KCNMA1: variants seen among roughly 807,000 people sequenced by gnomAD.
KCNMA1 encodes Calcium-activated potassium channel subunit alpha-1.
KCNMA1 carries 29 observed loss-of-function variants against 140.0 expected under a neutral mutation model. That is an observed-to-expected ratio of 0.21 (90% CI 0.15 to 0.28). The LOEUF (loss-of-function observed/expected upper bound fraction) is 0.28. Among genes scored for constraint, KCNMA1 ranks in the 10% least tolerant of loss-of-function variants. The pLI, the probability that KCNMA1 is intolerant of heterozygous loss-of-function variation, is 1.00. For synonymous variants in KCNMA1, 612 were observed against 611.9 expected (o/e 1.00, Z 0.00); for missense variants, 880 against 1,602.2 (o/e 0.55, Z 7.70).
intron 23 of KCNMA1, among the ~76,000 whole-genome samples, chr10:76,942,891 G>A (rs985737263): frequency 5.9e-5 from 9 of 152,092 alleles, no homozygotes; most frequent in African/African-American, 2.2e-4. Context: ...ATCTACCAAG[G>A]GTTGGTCACA....
At chr10:76,980,398 C>T (rs1445136865) in intron 19 of KCNMA1, 1 of 152,186 alleles carries the variant, frequency 6.6e-6, no homozygotes, top group Non-Finnish European at 1.5e-5. Context: ...CTACGATCTA[C>T]TGTGATCCCT....
intron 3 of KCNMA1, among the ~76,000 whole-genome samples, chr10:77,224,577 A>T (rs1325676841): frequency 6.6e-6 from 1 of 152,122 alleles, no homozygotes; most frequent in Non-Finnish European, 1.5e-5. Flanking sequence ...GGGAACACTC[A>T]GGACCCCACT....
At chr10:77,544,841 C>A (rs972836707) in intron 1 of KCNMA1, among the ~76,000 whole-genome samples, 2 of 152,142 alleles carry the variant, frequency 1.3e-5, no homozygotes, top group African/African-American at 4.8e-5. Context: ...ACCCCAAATC[C>A]ACTTTTCTAT....
chr10:77,525,568 A>G (rs1475544387), intron 1 of KCNMA1, among the ~76,000 whole-genome samples: 2 of 152,206 alleles, frequency 1.3e-5, no homozygotes, highest in Admixed American at 1.3e-4. Context: ...CACTGGCCCC[A>G]CACAGCTGGT....
chr10:77,436,789 A>G (rs1246195356), intron 1 of KCNMA1, among the ~76,000 whole-genome samples: 1 of 152,250 alleles, frequency 6.6e-6, no homozygotes, highest in Non-Finnish European at 1.5e-5. Context: ...ATTTATTGAC[A>G]TGAATATACA....
chr10:77,606,672 C>T (rs1349785368), intron 1 of KCNMA1, among the ~76,000 whole-genome samples: 1 of 152,092 alleles, frequency 6.6e-6, no homozygotes, highest in Non-Finnish European at 1.5e-5. Context: ...TGGCAGTGCC[C>T]GTCTTCCTAA....
intron 1 of KCNMA1, among the ~76,000 whole-genome samples, chr10:77,541,092 C>T (rs2060082625): frequency 6.6e-6 from 1 of 150,556 alleles, no homozygotes; most frequent in Non-Finnish European, 1.5e-5. Context: ...AAATATGGAA[C>T]AATTCCTTTA....
At chr10:76,931,836 A>C (rs1241606180) in intron 23 of KCNMA1, among the ~76,000 whole-genome samples, 1 of 152,118 alleles carries the variant, frequency 6.6e-6, no homozygotes, top group Non-Finnish European at 1.5e-5. Flanking sequence ...TGGTCTGCTC[A>C]CCTTCCAAAG....
At chr10:77,105,637 G>A (rs187465326) in intron 9 of KCNMA1, among the ~76,000 whole-genome samples, 3 of 152,226 alleles carry the variant, frequency 2.0e-5, no homozygotes, top group African/African-American at 7.2e-5. Context: ...TGTGTCCATG[G>A]GCAGAGCACA....
At chr10:77,357,110 T>C (rs2093559876) in intron 2 of KCNMA1, among the ~76,000 whole-genome samples, 1 of 152,296 alleles carries the variant, frequency 6.6e-6, no homozygotes, top group East Asian at 1.9e-4. Flanking sequence ...AGTGAACCAG[T>C]GACAGCAAGA....
chr10:77,370,441 T>C (rs1045144248), intron 2 of KCNMA1, among the ~76,000 whole-genome samples: 3 of 152,218 alleles, frequency 2.0e-5, no homozygotes, highest in African/African-American at 7.2e-5. Context: ...AACACATCTT[T>C]TCTTGCAGGG....
chr10:77,127,093 C>A (rs4994414), intron 5 of KCNMA1, among the ~76,000 whole-genome samples: 1 of 114,192 alleles, frequency 8.8e-6, no homozygotes, highest in African/African-American at 3.8e-5. Context: ...CACACACACA[C>A]ACACACACAC....
At chr10:76,914,132 G>A (rs2051606358) in intron 24 of KCNMA1, 1 of 1,549,836 alleles carries the variant, frequency 6.5e-7, no homozygotes, top group Non-Finnish European at 8.7e-7. Context: ...AACTTGCCCG[G>A]TTTAGCTAAT....
chr10:77,361,183 T>C (rs2093917369), intron 2 of KCNMA1, among the ~76,000 whole-genome samples: 1 of 152,184 alleles, frequency 6.6e-6, no homozygotes, highest in Non-Finnish European at 1.5e-5. Context: ...TCTAAATTGC[T>C]CCTAGTACAG....
intron 9 of KCNMA1, among the ~76,000 whole-genome samples, chr10:77,100,369 G>C (rs143542898): frequency 1.3e-5 from 2 of 152,006 alleles, no homozygotes; most frequent in South Asian, 4.2e-4. Context: ...TGTTAGAAAG[G>C]TACAAGGAGG....
At chr10:77,547,479 A>G (rs996320343) in intron 1 of KCNMA1, among the ~76,000 whole-genome samples, 1 of 152,204 alleles carries the variant, frequency 6.6e-6, no homozygotes, top group Non-Finnish European at 1.5e-5. Flanking sequence ...CCAAGAACCC[A>G]AGTGTCTGAG....
intron 1 of KCNMA1, among the ~76,000 whole-genome samples, chr10:77,490,709 T>C (rs964445962): frequency 6.6e-6 from 1 of 152,196 alleles, no homozygotes; most frequent in Admixed American, 6.5e-5. Flanking sequence ...CTGTGCTCTT[T>C]CCAACACAGA....
chr10:77,630,939 CTG>C (rs1326163839), intron 1 of KCNMA1, among the ~76,000 whole-genome samples: 1 of 151,626 alleles, frequency 6.6e-6, no homozygotes, highest in African/African-American at 2.4e-5. Context: ...GACCCCATCT[CTG>C]TAAAAAATTT....
chr10:77,245,041 T>G (rs2058240430), intron 3 of KCNMA1, among the ~76,000 whole-genome samples: 1 of 150,312 alleles, frequency 6.7e-6, no homozygotes, highest in African/African-American at 2.5e-5. Context: ...AAAATGTCAG[T>G]GAGGGATGGA....
Sources: gnomAD v4.1 joint callset for allele counts (sites outside exome capture counted in the v4.1 genomes callset) on GRCh38, gnomAD v4.1.1 for gene constraint, MANE v1.5 for transcripts, NCBI Gene and HGNC (gene_info 2026-07-23, HGNC 2026-07-21) for gene names.